TMEM38A: variants seen among roughly 807,000 people sequenced by gnomAD.
The protein encoded by TMEM38A is transmembrane protein 38A.
In TMEM38A, 17 loss-of-function variants were observed where a neutral mutation model predicts 28.6. The ratio of observed to expected loss-of-function variants is 0.60; its 90% CI spans 0.41 to 0.89. TMEM38A has a LOEUF of 0.89. Among genes scored for constraint, TMEM38A ranks in the 40% least tolerant of loss-of-function variants. The probability of loss-of-function intolerance (pLI) is 0.00; values close to 1 mark genes in which losing one functional copy is unlikely to be tolerated. For synonymous variants in TMEM38A, 169 were observed against 166.1 expected, an observed-to-expected ratio of 1.02 and a Z score of -0.14; for missense variants, 328 against 393.1, an observed-to-expected ratio of 0.83 and a Z score of 1.40.
chr19:16,676,092 G>GATCTGAGATT lies in TMEM38A; in HGVS notation c.125-3892_125-3891insATCTGAGATT, dbSNP rs1555709842. Among the ~76,000 whole-genome samples, 42 of 149,698 alleles carry GATCTGAGATT rather than the reference G, an allele frequency of 2.8e-4. 1 individual carries two copies. Among genetic ancestry groups the GATCTGAGATT allele is most frequent in the African/African-American group, 1.0e-3 (39 of 39,046 alleles). On this transcript the variant is annotated intron_variant, in intron 1 of 5. Transcript: ENST00000187762. ...AGATCACATTTTGGCCGGGCGCGGT[G>GATCTGAGATT]GCTCACACCTGTAATCCCAGCACTT...
chr19:16,675,709 C>T (rs769586799), intron 1 of TMEM38A, among the ~76,000 whole-genome samples: 1 of 151,846 alleles, frequency 6.6e-6, no homozygotes, highest in African/African-American at 2.4e-5. Context: ...CCGCAACGCC[C>T]AGCTAATTTT....
In TMEM38A at chr19:16,689,228, C is replaced by T. The variant is rs2086815521; in HGVS notation, c.*857C>T. On this transcript the variant is annotated 3_prime_UTR_variant, in exon 6 of 6. Transcript: ENST00000187762. ...TTGCCTTCCTCCTCTGAGCTTGGCG[C>T]TCCCCATCTGTATAGTGGAGACCCT... 1 of 152,194 alleles carries T rather than the reference C, an allele frequency of 6.6e-6. No individual in the cohort carries two copies. Among genetic ancestry groups the T allele is most frequent in the Non-Finnish European group, 1.5e-5 (1 of 68,086 alleles). 9.4% of individuals were successfully genotyped at this position (152,194 alleles called of 1,614,324 possible).
intron 1 of TMEM38A, among the ~76,000 whole-genome samples, chr19:16,666,682 C>T (rs534372680): frequency 5.3e-5 from 8 of 152,222 alleles, no homozygotes; most frequent in South Asian, 2.1e-4. Flanking sequence ...AGAGCCCCTG[C>T]GGTGGCTCAT....
chr19:16,667,364 G>A (rs1259572734), intron 1 of TMEM38A, among the ~76,000 whole-genome samples: 1 of 152,160 alleles, frequency 6.6e-6, no homozygotes, highest in African/African-American at 2.4e-5. Context: ...AAATCTGCGG[G>A]TGATTTGGCT....
chr19:16,671,719 C>T (rs527476228), intron 1 of TMEM38A, among the ~76,000 whole-genome samples: 24 of 152,168 alleles, frequency 1.6e-4, no homozygotes, highest in African/African-American at 5.8e-4. Context: ...TGTGAGCCAC[C>T]GCGCCCAGCC....
At chr19:16,666,381 T>G (rs563528613) in intron 1 of TMEM38A, among the ~76,000 whole-genome samples, 1 of 152,076 alleles carries the variant, frequency 6.6e-6, no homozygotes, top group Non-Finnish European at 1.5e-5. Context: ...CCTCCCAAAG[T>G]GCTGAAATTA....
chr19:16,683,257 A>T (rs2086788869), intron 4 of TMEM38A, among the ~76,000 whole-genome samples: 1 of 152,090 alleles, frequency 6.6e-6, no homozygotes, highest in African/African-American at 2.4e-5. Flanking sequence ...TACAGGCATG[A>T]GCCACCCTGC....
intron 1 of TMEM38A, among the ~76,000 whole-genome samples, chr19:16,674,389 CA>C (rs535347473): frequency 0.23 from 19,837 of 87,160 alleles, 1,894 homozygotes; most frequent in East Asian, 0.41. Context: ...CTCTTGTCTC[CA>C]AAAAAAAAAA....
At chr19:16,684,166 G>A (rs1237914767) in intron 4 of TMEM38A, among the ~76,000 whole-genome samples, 5 of 151,402 alleles carry the variant, frequency 3.3e-5, no homozygotes, top group Non-Finnish European at 7.4e-5. Context: ...AGAGAGGAAG[G>A]AAGGATTATT....
At chr19:16,685,848 C>A (rs2122600429) in intron 4 of TMEM38A, among the ~76,000 whole-genome samples, 1 of 152,292 alleles carries the variant, frequency 6.6e-6, no homozygotes, top group Non-Finnish European at 1.5e-5. Context: ...TAGGATGACA[C>A]CATCTCAACC....
intron 1 of TMEM38A, among the ~76,000 whole-genome samples, chr19:16,678,526 G>A (rs2086763045): frequency 6.6e-6 from 1 of 151,694 alleles, no homozygotes; most frequent in Non-Finnish European, 1.5e-5. Flanking sequence ...TTGGGAAGCT[G>A]AGCCAGGTGG....
chr19:16,681,312 GTAA>G (rs1016348592), intron 3 of TMEM38A, among the ~76,000 whole-genome samples: 2 of 151,990 alleles, frequency 1.3e-5, no homozygotes, highest in African/African-American at 4.8e-5. Flanking sequence ...AAAAAATAAA[GTAA>G]TAATGAAAAT....
At position 16,686,284 on chromosome 19, in the gene TMEM38A, C is replaced by A; in HGVS notation, c.555-4C>A. The A allele has an allele frequency of 6.2e-7, 1 of 1,611,084 alleles. No individual in the cohort carries two copies. On this transcript the variant is annotated splice_region_variant and splice_polypyrimidine_tract_variant and intron_variant, in intron 4 of 5. Transcript: ENST00000187762. ...CTCCCGGTAATGACAGCTGCTCCCT[C>A]CAGCCCCACCAAGGCCAGCCTGTAT...
At position 16,680,046 on chromosome 19, in the gene TMEM38A, T is replaced by A. The variant is rs887572315; in HGVS notation, c.187T>A (p.Phe63Ile). ...CTGGCTGTGCGCCATGCTGCATTGC[T>A]TCGGGAGCTACATCCTGGCTGATCT... ...ASWLCAMLHCFGSYILADLLL... is the reference protein window; with the variant it reads ...ASWLCAMLHCIGSYILADLLL... The change falls in exon 2 of 6, where the codon TTC (phenylalanine) becomes ATC (isoleucine). Residue 63 changes from phenylalanine to isoleucine, a missense_variant. Coordinates refer to ENST00000187762, the MANE Select transcript of TMEM38A (RefSeq NM_024074.4). The A allele has an allele frequency of 6.2e-7, 1 of 1,611,290 alleles. No individual in the cohort carries two copies. Among genetic ancestry groups the A allele is most frequent in the Non-Finnish European group, 8.5e-7 (1 of 1,180,012 alleles).
intron 1 of TMEM38A, among the ~76,000 whole-genome samples, chr19:16,672,915 G>A (rs1027149719): frequency 6.6e-6 from 1 of 152,138 alleles, no homozygotes; most frequent in Non-Finnish European, 1.5e-5. Context: ...CAGCTGTGTG[G>A]TGCCACTGTC....
chr19:16,673,835 C>T (rs559698441), intron 1 of TMEM38A, among the ~76,000 whole-genome samples: 4 of 152,048 alleles, frequency 2.6e-5, no homozygotes, highest in African/African-American at 4.8e-5. Context: ...CACCTGAAAT[C>T]CCAGCACTTT....
In TMEM38A at chr19:16,661,259, C is replaced by G. The variant is rs1229444554; in HGVS notation, c.42C>G (p.Leu14=). 1 of 1,595,464 alleles carries G rather than the reference C, an allele frequency of 6.3e-7. No individual in the cohort carries two copies. The highest frequency in any genetic ancestry group is 1.4e-5 in the African/African-American group (1 of 73,434). Residue 14 remains leucine (L), a synonymous_variant, in exon 1 of 6, where the codon CTC becomes CTG. Transcript: ENST00000187762. This position sits in a 1 kb window ranked among gnomAD's most constrained non-coding sequence, Gnocchi z 6.5. The stretch of plus-strand genomic sequence containing the variant: ...CGCTGAGCCTGGGCGAACTGGCGCT[C>G]AGCTTCTCGCGGGTGCCGCTCTTCC... ...LSALSLGELA[L]SFSRVPLFPV... is the part of the protein sequence containing the mutation.
intron 1 of TMEM38A, among the ~76,000 whole-genome samples, chr19:16,674,758 C>A (rs985936193): frequency 1.3e-5 from 2 of 152,006 alleles, no homozygotes; most frequent in Non-Finnish European, 2.9e-5. Flanking sequence ...AAGATCGCGC[C>A]ATTGAACTCC....
intron 3 of TMEM38A, 147 bp downstream of exon 3, chr19:16,680,728 C>A: frequency 3.0e-6 from 2 of 677,422 alleles, no homozygotes; most frequent in Non-Finnish European, 5.0e-6. Context: ...CTACAGGTAT[C>A]AGCCGATACC....
Sources: gnomAD v4.1 joint callset for allele counts (sites outside exome capture counted in the v4.1 genomes callset) on GRCh38, gnomAD v4.1.1 for gene constraint, Gnocchi (gnomAD v3.1) non-coding constraint, MANE v1.5 for transcripts, NCBI Gene and HGNC (gene_info 2026-07-23, HGNC 2026-07-21) for gene names.